The following PDE4D variants were observed in gnomAD, a reference collection of about 807,000 sequenced individuals.
PDE4D encodes the protein 3',5'-cyclic-AMP phosphodiesterase 4D.
Under a neutral mutation model 87.4 loss-of-function variants are expected in PDE4D, and 24 were observed. The ratio of observed to expected loss-of-function variants is 0.27; its 90% CI spans 0.20 to 0.39. PDE4D has a LOEUF of 0.39. Ranked by LOEUF, PDE4D falls within the 10% of genes least tolerant of loss-of-function variation. PDE4D has a pLI of 1.00. For synonymous variants in PDE4D, 384 were observed against 383.2 expected, an observed-to-expected ratio of 1.00 and a Z score of -0.02; for missense variants, 714 against 1,041.0, an observed-to-expected ratio of 0.69 and a Z score of 4.32.
rs114695042 is a variant in PDE4D at position 59,498,284 on chromosome 5, C to A, written c.456-282316G>T. ...TGACTGAATCAATACTACAAAGCAA[C>A]CAGATAATAACACTATGGCAAGAAT... On this transcript the variant is annotated intron_variant, in intron 1 of 14. Transcript: ENST00000340635. Among the ~76,000 whole-genome samples the A allele has an allele frequency of 2.7e-3, 405 of 151,068 alleles. 1 individual carries two copies. The highest frequency in any genetic ancestry group is 9.5e-3 in the African/African-American group (391 of 41,216).
At chr5:59,567,398 A>G (rs1277107261) in intron 1 of PDE4D, among the ~76,000 whole-genome samples, 2 of 152,206 alleles carry the variant, frequency 1.3e-5, no homozygotes, top group East Asian at 1.9e-4. Flanking sequence ...TAGGTAAAGA[A>G]GTCAATTTTC....
At chr5:60,239,391 T>C (rs549980282) in intron 1 of PDE4D, among the ~76,000 whole-genome samples, 1 of 152,262 alleles carries the variant, frequency 6.6e-6, no homozygotes, top group Admixed American at 6.5e-5. Flanking sequence ...TCTTCAAAAT[T>C]GTGTTGGTTA....
At chr5:59,637,768 G>C (rs931925036) in intron 1 of PDE4D, among the ~76,000 whole-genome samples, 1 of 152,118 alleles carries the variant, frequency 6.6e-6, no homozygotes. Context: ...GGGGGCAAGG[G>C]AAGGGATAAC....
chr5:59,477,611 T>C (rs1803518585), intron 1 of PDE4D, among the ~76,000 whole-genome samples: 1 of 152,048 alleles, frequency 6.6e-6, no homozygotes, highest in South Asian at 2.1e-4. Flanking sequence ...GACATGTAAA[T>C]TACTTCAGCC....
chr5:59,961,142 G>T (rs1260023243), intron 3 of PDE4D, among the ~76,000 whole-genome samples: 3 of 152,114 alleles, frequency 2.0e-5, no homozygotes, highest in African/African-American at 7.2e-5. Flanking sequence ...GAATAAGAAT[G>T]TAAACTTACT....
chr5:60,404,565 C>T (rs1391994805), intron 1 of PDE4D, among the ~76,000 whole-genome samples: 1 of 152,080 alleles, frequency 6.6e-6, no homozygotes, highest in Non-Finnish European at 1.5e-5. Context: ...CCACATGTGG[C>T]TATTGAGCCC....
intron 5 of PDE4D, among the ~76,000 whole-genome samples, chr5:59,131,121 T>C (rs1009423333): frequency 3.3e-4 from 50 of 152,178 alleles, no homozygotes; most frequent in Middle Eastern, 3.2e-3. Flanking sequence ...ATGCCTTAAA[T>C]ATACAAAAGG....
intron 2 of PDE4D, among the ~76,000 whole-genome samples, chr5:60,079,427 GT>G (rs2152902449): frequency 1.3e-5 from 2 of 152,278 alleles, no homozygotes; most frequent in South Asian, 4.1e-4. Flanking sequence ...TGCCTTTGGT[GT>G]TTTTGTCATG....
intron 1 of PDE4D, among the ~76,000 whole-genome samples, chr5:60,202,751 T>G (rs1202439383): frequency 1.3e-5 from 2 of 151,968 alleles, no homozygotes; most frequent in Non-Finnish European, 1.5e-5. Flanking sequence ...AGATGCCTAT[T>G]TTGTCTATCA....
At chr5:60,481,118 G>T (rs1056166248) in intron 1 of PDE4D, among the ~76,000 whole-genome samples, 1 of 152,114 alleles carries the variant, frequency 6.6e-6, no homozygotes, top group African/African-American at 2.4e-5. Flanking sequence ...TAAGTAGCTT[G>T]ATTGTAAATT....
chr5:59,639,800 T>A (rs1438138486), intron 1 of PDE4D, among the ~76,000 whole-genome samples: 1 of 144,588 alleles, frequency 6.9e-6, no homozygotes, highest in Non-Finnish European at 1.5e-5. Flanking sequence ...CAATTTTAAA[T>A]ATAGTGTCTA....
intron 5 of PDE4D, among the ~76,000 whole-genome samples, chr5:59,147,117 C>T (rs1778783210): frequency 6.6e-6 from 1 of 152,142 alleles, no homozygotes; most frequent in Non-Finnish European, 1.5e-5. Flanking sequence ...AAAACCAACC[C>T]CTCTCCCCAC....
At position 59,383,263 on chromosome 5, in the gene PDE4D, G is replaced by T. The variant is rs181226203; in HGVS notation, c.456-167295C>A. Among the ~76,000 whole-genome samples, 324 of 151,978 alleles carry T rather than the reference G, an allele frequency of 2.1e-3. 2 individuals are homozygous for T. The highest frequency in any genetic ancestry group is 7.6e-3 in the African/African-American group (314 of 41,444). ...TGCCCCCTATTATGTCCCCATTCAC[G>T]ATCTCACTTATGTCCCCTCACTGCA... On this transcript the variant is annotated intron_variant, in intron 1 of 14. Transcript: ENST00000340635.
rs201801677 is a variant in PDE4D, at chr5:58,970,631, C to A, written c.*4033G>T. ...GTAAACTGACATCAACCCACCTTTG[C>A]GTTTAAATAGATGGGTTTACATATA... On this transcript the variant is annotated 3_prime_UTR_variant, in exon 15 of 15. Coordinates refer to ENST00000340635, the MANE Select transcript of PDE4D (RefSeq NM_001104631.2). 1 of 152,018 alleles carries A rather than the reference C, an allele frequency of 6.6e-6. No homozygotes were observed. The highest frequency in any genetic ancestry group is 1.5e-5 in the Non-Finnish European group (1 of 67,994). 9.4% of individuals were successfully genotyped at this position (152,018 alleles called of 1,614,324 possible). A position where few individuals can be genotyped will look rare whatever the true frequency, so the allele number is the denominator to read the frequency against.
intron 1 of PDE4D, among the ~76,000 whole-genome samples, chr5:60,440,696 G>A (rs1328269012): frequency 1.3e-5 from 2 of 152,098 alleles, no homozygotes; most frequent in Non-Finnish European, 2.9e-5. Flanking sequence ...GGTTGGATTT[G>A]AGACAAAATA....
chr5:59,949,073 C>G (rs1447394652), intron 3 of PDE4D, among the ~76,000 whole-genome samples: 1 of 152,106 alleles, frequency 6.6e-6, no homozygotes, highest in African/African-American at 2.4e-5. Flanking sequence ...AAGGCAGTGT[C>G]AGAATGATGT....
intron 6 of PDE4D, among the ~76,000 whole-genome samples, chr5:58,996,572 C>G (rs980768512): frequency 6.6e-6 from 1 of 152,054 alleles, no homozygotes; most frequent in African/African-American, 2.4e-5. Flanking sequence ...GCACTTCTCT[C>G]AATAAAGCAA....
At chr5:59,538,532 A>C (rs917569124) in intron 1 of PDE4D, among the ~76,000 whole-genome samples, 9 of 151,972 alleles carry the variant, frequency 5.9e-5, no homozygotes, top group African/African-American at 1.7e-4. Context: ...TCTATTTCCT[A>C]AGTAGCTATT....
intron 3 of PDE4D, among the ~76,000 whole-genome samples, chr5:59,934,797 G>T (rs1195730260): frequency 1.3e-5 from 2 of 152,166 alleles, no homozygotes; most frequent in African/African-American, 4.8e-5. Context: ...TTTAGATTCA[G>T]AGTGAAATGG....
Sources: allele counts gnomAD v4.1 joint callset (sites outside exome capture counted in the v4.1 genomes callset), GRCh38; gene constraint gnomAD v4.1.1; transcripts MANE v1.5; gene names NCBI Gene and HGNC (gene_info 2026-07-23, HGNC 2026-07-21).